Variants in EIF3J observed in about 807,000 individuals in gnomAD.
EIF3J encodes eukaryotic translation initiation factor 3 subunit J, also known as eukaryotic translation initiation factor 3, subunit 1 (alpha, 35kD).
A neutral mutation model predicts 39.0 loss-of-function variants in EIF3J; 15 were observed. The observed-to-expected ratio is 0.38, with a 90% confidence interval of 0.26 to 0.59. EIF3J has a LOEUF of 0.59. Among genes scored for constraint, EIF3J ranks in the 20% least tolerant of loss-of-function variants. The pLI, the probability that EIF3J is intolerant of heterozygous loss-of-function variation, is 0.60. For missense variants in EIF3J, 226 were observed against 308.6 expected (o/e 0.73, Z 2.00); for synonymous variants, 98 against 112.9 (o/e 0.87, Z 0.84).
intron 2 of EIF3J, among the ~76,000 whole-genome samples, chr15:44,542,513 ATTTTC>A (rs1300050343): frequency 6.6e-6 from 1 of 152,196 alleles, no homozygotes; most frequent in Non-Finnish European, 1.5e-5. Context: ...GTTGGAAAGC[ATTTTC>A]AGCCCTAAAT....
At chr15:44,560,859 G>C (rs1161779174) in intron 7 of EIF3J, among the ~76,000 whole-genome samples, 159 bp from the exon 8 acceptor site, 2 of 152,184 alleles carry the variant, frequency 1.3e-5, no homozygotes, top group Non-Finnish European at 1.5e-5. Flanking sequence ...GACTCTGGGA[G>C]ACCTGTTCAG....
rs749926635 is a variant in EIF3J, at chr15:44,557,638, G to T, written c.559G>T (p.Val187Leu). ...TTTTTTGGAAGTCTTAGTTCGAGAT[G>T]TGTGTATTTCATGTAAGTAATTCTA... ...ASFLEVLVRD[V>L]CISLEIDDLK... Residue 187 changes from valine to leucine, a missense_variant, in exon 6 of 8, where the codon GTG (valine) becomes TTG (leucine). Transcript: ENST00000261868. 38 of 1,498,932 alleles carry T rather than the reference G, an allele frequency of 2.5e-5. 1 individual carries two copies. The East Asian group carries it at 9.2e-4, about 36-fold the overall frequency. 92.9% of individuals were successfully genotyped at this position (1,498,932 alleles called of 1,614,324 possible). A position where few individuals can be genotyped will look rare whatever the true frequency, so the allele number is the denominator to read the frequency against.
At chr15:44,552,973 T>A (rs1369522906) in intron 4 of EIF3J, among the ~76,000 whole-genome samples, 1 of 150,208 alleles carries the variant, frequency 6.7e-6, no homozygotes, top group East Asian at 2.0e-4. Context: ...ATTGCTTGAG[T>A]CCATGGATTT....
At chr15:44,552,303 A>G (rs1347570714) in intron 4 of EIF3J, among the ~76,000 whole-genome samples, 1 of 151,958 alleles carries the variant, frequency 6.6e-6, no homozygotes, top group African/African-American at 2.4e-5. Flanking sequence ...GCTGGAGTGC[A>G]GTGGTGTGAT....
intron 2 of EIF3J, among the ~76,000 whole-genome samples, chr15:44,540,013 C>G (rs1420713552): frequency 1.3e-5 from 2 of 148,292 alleles, no homozygotes; most frequent in African/African-American, 5.0e-5. Flanking sequence ...GATCTTGGCT[C>G]ACTGCAACCT....
rs775143542 is a variant in EIF3J at position 44,537,439 on chromosome 15, C to T, written c.147+12C>T. ...ACGAGGACGTCAAGGTGGGTGCGGG[C>T]TAGGGCGCCGGGCAGCGCGGAAGCG... is the stretch of plus-strand genomic sequence containing the variant. On this transcript the variant is annotated intron_variant, in intron 2 of 7. Coordinates refer to ENST00000261868, the MANE Select transcript of EIF3J (RefSeq NM_003758.4). 3.3e-6 allele frequency: 5 copies of T among 1,533,652 alleles called. No individual in the cohort carries two copies. In the Admixed American group the frequency reaches 8.2e-5, roughly 25 times the overall value.
At chr15:44,547,738 C>G (rs985863504) in intron 2 of EIF3J, among the ~76,000 whole-genome samples, 1 of 151,712 alleles carries the variant, frequency 6.6e-6, no homozygotes, top group Non-Finnish European at 1.5e-5. Context: ...ATGAGCCACG[C>G]ACCCGGCCTG....
At chr15:44,539,732 C>CTTTTT (rs77942286) in intron 2 of EIF3J, among the ~76,000 whole-genome samples, 1 of 129,238 alleles carries the variant, frequency 7.7e-6, no homozygotes, top group South Asian at 2.5e-4. Flanking sequence ...ATTTCTTTTT[C>CTTTTT]TTTTTTTTTT....
chr15:44,554,180 C>T (rs1009886213), intron 4 of EIF3J, among the ~76,000 whole-genome samples: 10 of 151,940 alleles, frequency 6.6e-5, no homozygotes, highest in African/African-American at 1.2e-4. Flanking sequence ...AGTTCAAGAC[C>T]GGCCTGGCCA....
At chr15:44,551,370 G>A in intron 3 of EIF3J, 61 bp from the exon 4 acceptor site, 2 of 1,083,212 alleles carry the variant, frequency 1.8e-6, no homozygotes, top group Non-Finnish European at 2.7e-6. Flanking sequence ...TATCATGTCT[G>A]TCTCATCCAT....
At chr15:44,544,736 C>T (rs1029312556) in intron 2 of EIF3J, among the ~76,000 whole-genome samples, 3 of 127,986 alleles carry the variant, frequency 2.3e-5, no homozygotes, top group Non-Finnish European at 4.9e-5. Flanking sequence ...GTGGGAGGGG[C>T]CAGGCACGCC....
chr15:44,552,256 T>C (rs1443456203), intron 4 of EIF3J, among the ~76,000 whole-genome samples: 1 of 152,104 alleles, frequency 6.6e-6, no homozygotes, highest in African/African-American at 2.4e-5. Flanking sequence ...TTTTTTTTTG[T>C]TTTTGTTTTT....
At position 44,544,545 on chromosome 15, in the gene EIF3J, A is replaced by G. The variant is rs368691828; in HGVS notation, c.148-6331A>G. ...CATGGAGAAACCCATCTCTACTAAAAATACAAAATTAGCCAGTTCGTGGTA... is the reference window on the plus strand; with the variant it reads ...CATGGAGAAACCCATCTCTACTAAAGATACAAAATTAGCCAGTTCGTGGTA... On this transcript the variant is annotated intron_variant, in intron 2 of 7. Coordinates refer to ENST00000261868, the MANE Select transcript of EIF3J (RefSeq NM_003758.4). 3.3e-4 allele frequency among the ~76,000 whole-genome samples: 50 copies of G among 151,186 alleles called. 1 individual carries two copies. The East Asian group carries it at 7.0e-3, about 21-fold the overall frequency.
chr15:44,540,127 C>A (rs1283165830), intron 2 of EIF3J, among the ~76,000 whole-genome samples: 2 of 149,260 alleles, frequency 1.3e-5, no homozygotes, highest in African/African-American at 2.5e-5. Context: ...TTAGTAGAGA[C>A]GGGGTTTCAC....
intron 6 of EIF3J, among the ~76,000 whole-genome samples, chr15:44,559,666 CACTGCACTCCAACCTGGGTG>C (rs960885238): frequency 6.0e-5 from 9 of 150,952 alleles, no homozygotes; most frequent in African/African-American, 2.2e-4. Flanking sequence ...GAGATCGCGT[CACTGCACTCCAACCTGGGTG>C]ACAGAGTGAG....
At chr15:44,549,786 A>C (rs1430261080) in intron 2 of EIF3J, among the ~76,000 whole-genome samples, 3 of 150,126 alleles carry the variant, frequency 2.0e-5, no homozygotes, top group Non-Finnish European at 4.4e-5. Flanking sequence ...AAAAAAAAAA[A>C]AAAACCATTT....
intron 4 of EIF3J, among the ~76,000 whole-genome samples, chr15:44,552,445 A>G (rs1182401028): frequency 1.3e-5 from 2 of 152,006 alleles, no homozygotes; most frequent in Admixed American, 1.3e-4. Flanking sequence ...GGGTTTCGCC[A>G]TGTTGGCCGG....
At chr15:44,552,841 T>G (rs1204895523) in intron 4 of EIF3J, among the ~76,000 whole-genome samples, 1 of 152,200 alleles carries the variant, frequency 6.6e-6, no homozygotes, top group Admixed American at 6.5e-5. Flanking sequence ...ATTATAGGCG[T>G]GAACCACTGT....
intron 2 of EIF3J, among the ~76,000 whole-genome samples, chr15:44,540,026 G>A (rs1402674449): frequency 6.8e-5 from 10 of 147,644 alleles, no homozygotes; most frequent in Non-Finnish European, 1.2e-4. Flanking sequence ...TGCAACCTCC[G>A]CCTCCCAGGT....
Sources: gnomAD v4.1 joint callset for allele counts (sites outside exome capture counted in the v4.1 genomes callset) on GRCh38, gnomAD v4.1.1 for gene constraint, MANE v1.5 for transcripts, NCBI Gene and HGNC (gene_info 2026-07-23, HGNC 2026-07-21) for gene names.